Variants in IL17RB observed in about 807,000 individuals in gnomAD.
The protein encoded by IL17RB is interleukin 17 receptor B.
IL17RB carries 36 observed loss-of-function variants against 43.9 expected under a neutral mutation model. The ratio of observed to expected loss-of-function variants is 0.82; its 90% CI spans 0.63 to 1.08. The LOEUF is 1.08. Ranked by LOEUF, IL17RB falls within the 50% of genes least tolerant of loss-of-function variation. The pLI is 0.00. For missense variants in IL17RB, 613 were observed against 613.6 expected (o/e 1.00, Z 0.01); for synonymous variants, 225 against 225.4 (o/e 1.00, Z 0.02).
chr3:53,850,389 C>T (rs28741391), intron 3 of IL17RB, among the ~76,000 whole-genome samples: 2,496 of 150,334 alleles, frequency 0.017, 49 homozygotes, highest in East Asian at 0.069. Flanking sequence ...CCCAGCTACT[C>T]GGGAGGCTGA....
chr3:53,858,847 A>T (rs1159463462), intron 9 of IL17RB, 29 bp downstream of exon 9: 1 of 1,558,672 alleles, frequency 6.4e-7, no homozygotes, highest in African/African-American at 1.4e-5. Flanking sequence ...CAACCAGATG[A>T]TCAAAGTGGC....
Position 53,863,980 on chromosome 3 carries a change from G to C in IL17RB, c.947-766G>C, listed in dbSNP as rs866653167. Among the ~76,000 whole-genome samples the C allele has an allele frequency of 2.0e-5, 3 of 151,962 alleles. No homozygotes were observed. In the South Asian group the frequency reaches 6.2e-4, roughly 32 times the overall value. On this transcript the variant is annotated intron_variant, in intron 10 of 10. Transcript: ENST00000288167. Reference sequence around the variant, plus strand: ...TGGGACCACAGATGCATGCCATCAAGCCCAGCTAATATTTGTACTTTTTGT... The same window carrying C: ...TGGGACCACAGATGCATGCCATCAACCCCAGCTAATATTTGTACTTTTTGT...
At chr3:53,846,669 C>A in intron 1 of IL17RB, 21 bp downstream of exon 1, 1 of 1,579,442 alleles carries the variant, frequency 6.3e-7, no homozygotes, top group Non-Finnish European at 8.6e-7. Context: ...GCCAGCACCT[C>A]TTCCCTCATC....
chr3:53,856,878 G>T lies in IL17RB; in HGVS notation c.564G>T (p.Lys188Asn). Residue 188 changes from lysine (K) to asparagine (N), a missense_variant, in exon 7 of 11, where the codon AAG becomes AAT. Lys to Asn is a moderately conservative substitution (Grantham distance 94). Coordinates refer to ENST00000288167, the MANE Select transcript of IL17RB (RefSeq NM_018725.4). ...GGGATCCGAACATCACTGCTTGTAAGAAGAATGAGGAGACAGTAGAAGTGA... is the reference window on the plus strand; with the variant it reads ...GGGATCCGAACATCACTGCTTGTAATAAGAATGAGGAGACAGTAGAAGTGA... ...SLWDPNITACKKNEETVEVNF... is the reference protein window; with the variant it reads ...SLWDPNITACNKNEETVEVNF... The T allele has an allele frequency of 1.2e-6, 2 of 1,614,102 alleles. No homozygotes were observed. The highest frequency in any genetic ancestry group is 1.7e-6 in the Non-Finnish European group (2 of 1,179,990).
intron 3 of IL17RB, 50 bp downstream of exon 3, chr3:53,849,845 A>C (rs1559773921): frequency 6.6e-7 from 1 of 1,520,122 alleles, no homozygotes; most frequent in Non-Finnish European, 8.9e-7. Flanking sequence ...ACTAAATCAG[A>C]AATGTGCAGA....
intron 5 of IL17RB, 106 bp downstream of exon 5, chr3:53,853,103 T>C: frequency 3.2e-6 from 4 of 1,264,354 alleles, no homozygotes; most frequent in Non-Finnish European, 4.6e-6. Flanking sequence ...TTGGCCTTGC[T>C]AAATCTCAGT....
chr3:53,863,521 C>T (rs1699648601), intron 10 of IL17RB, among the ~76,000 whole-genome samples: 1 of 152,204 alleles, frequency 6.6e-6, no homozygotes, highest in Non-Finnish European at 1.5e-5. Context: ...CACAGGGGCA[C>T]CTGGACCTCA....
chr3:53,847,809 A>G (rs1007888060), intron 1 of IL17RB, among the ~76,000 whole-genome samples: 6 of 151,974 alleles, frequency 3.9e-5, no homozygotes, highest in African/African-American at 1.2e-4. Flanking sequence ...AAAGGAAAAA[A>G]AAATCTGATG....
At chr3:53,850,872 A>T (rs556995261) in intron 3 of IL17RB, among the ~76,000 whole-genome samples, 1 of 152,288 alleles carries the variant, frequency 6.6e-6, no homozygotes, top group African/African-American at 2.4e-5. Context: ...AACTGTAAGG[A>T]AGTATGAGGA....
At chr3:53,858,106 G>C in intron 8 of IL17RB, 1 of 196,350 alleles carries the variant, frequency 5.1e-6, no homozygotes, top group Non-Finnish European at 1.1e-5. Flanking sequence ...GACCCAGCTG[G>C]AACACAGGAA....
At chr3:53,858,698 G>A (rs2107020960) in intron 8 of IL17RB, 21 bp from the exon 9 acceptor site, 1 of 1,612,860 alleles carries the variant, frequency 6.2e-7, no homozygotes, top group Non-Finnish European at 8.5e-7. Flanking sequence ...TGAACTTTCT[G>A]AGCCTCTTGT....
intron 10 of IL17RB, among the ~76,000 whole-genome samples, chr3:53,863,108 G>A (rs992050391): frequency 2.9e-4 from 44 of 152,014 alleles, no homozygotes; most frequent in African/African-American, 1.1e-3. Context: ...TTTTTCTCTA[G>A]CTTACTTTAT....
rs1381189422 is a variant in IL17RB, at chr3:53,864,780, A to C, written c.981A>C (p.Thr327=). Residue 327 remains threonine (T), a synonymous_variant, in exon 11 of 11, where the codon ACA becomes ACC. Transcript: ENST00000288167. ...RIKKTSFSTT[T]LLPPIKVLVV... is the part of the protein sequence containing the mutation. The stretch of plus-strand genomic sequence containing the variant: ...AGAAGACTTCCTTTTCTACCACCAC[A>C]CTACTGCCCCCCATTAAGGTTCTTG... 5 of 1,612,974 alleles carry C rather than the reference A, an allele frequency of 3.1e-6. No individual in the cohort carries two copies. The East Asian group carries it at 1.1e-4, about 36-fold the overall frequency.
intron 3 of IL17RB, among the ~76,000 whole-genome samples, chr3:53,851,277 C>T (rs1274801769): frequency 6.6e-6 from 1 of 152,126 alleles, no homozygotes; most frequent in East Asian, 1.9e-4. Flanking sequence ...ACAGTCTCCA[C>T]CCAGGAGGAT....
chr3:53,865,222 T>A lies in IL17RB; in HGVS notation c.1423T>A (p.Phe475Ile). 2 of 1,613,900 alleles carry A rather than the reference T, an allele frequency of 1.2e-6. No individual in the cohort carries two copies. Among genetic ancestry groups the A allele is most frequent in the Non-Finnish European group, 1.7e-6 (2 of 1,180,016 alleles). The stretch of plus-strand genomic sequence containing the variant: ...CCACCTCATGAAGGATGCCACTGCT[T>A]TCTGTGCAGAACTTCTCCATGTCAA... ...KYHLMKDATA[F>I]CAELLHVKQQ... The change falls in exon 11 of 11, where the codon TTC becomes ATC. Residue 475 changes from phenylalanine (F) to isoleucine (I), a missense_variant. Transcript: ENST00000288167.
chr3:53,857,126 T>A, intron 7 of IL17RB, 140 bp downstream of exon 7: 1 of 851,668 alleles, frequency 1.2e-6, no homozygotes. Context: ...GTGGGCATCC[T>A]GAGAGGTGTC....
rs759681740 is a variant in IL17RB, at chr3:53,865,333, TTA to T, written c.*26_*27del. 6.4e-7 allele frequency: 1 copy of T among 1,566,378 alleles called. No individual in the cohort carries two copies. Among genetic ancestry groups the T allele is most frequent in the Admixed American group, 1.8e-5 (1 of 56,676 alleles). ...GCCCACCCATGAGAAGCAAGAGACC[TTA>T]AAGGCTTCCTATCCCACCAATTACA... On this transcript the variant is annotated 3_prime_UTR_variant, in exon 11 of 11. Coordinates refer to ENST00000288167, the MANE Select transcript of IL17RB (RefSeq NM_018725.4).
intron 1 of IL17RB, 33 bp downstream of exon 1, chr3:53,846,681 C>G (rs1438795337): frequency 6.4e-7 from 1 of 1,562,380 alleles, no homozygotes; most frequent in East Asian, 2.4e-5. Flanking sequence ...TCCCTCATCT[C>G]CCGGCCCTCG....
In IL17RB at chr3:53,858,801, C is replaced by A. The variant is rs745448998; in HGVS notation, c.830C>A (p.Pro277His). 1.2e-6 allele frequency: 2 copies of A among 1,614,034 alleles called. No homozygotes were observed. The highest frequency in any genetic ancestry group is 1.7e-6 in the Non-Finnish European group (2 of 1,179,888). Residue 277 changes from proline to histidine, a missense_variant, in exon 9 of 11, where the codon CCT becomes CAT. Pro to His is a moderately conservative substitution (Grantham distance 77). Coordinates refer to ENST00000288167, the MANE Select transcript of IL17RB (RefSeq NM_018725.4). Reference sequence around the variant, plus strand: ...GTGCTCTGCCCACAAACAGGCGTCCCTTTCCCTCTGGATAACAGTAAGTGC... The same window carrying A: ...GTGCTCTGCCCACAAACAGGCGTCCATTTCCCTCTGGATAACAGTAAGTGC... ...TVVLCPQTGV[P>H]FPLDNNKSKP...
Sources: allele counts gnomAD v4.1 joint callset (sites outside exome capture counted in the v4.1 genomes callset), GRCh38; gene constraint gnomAD v4.1.1; transcripts MANE v1.5; gene names NCBI Gene and HGNC (gene_info 2026-07-23, HGNC 2026-07-21).